The following ACTR8 variants were observed in gnomAD, a reference collection of about 807,000 sequenced individuals.
ACTR8 encodes actin-related protein 8.
Under a neutral mutation model 84.3 loss-of-function variants are expected in ACTR8, and 70 were observed. The observed-to-expected ratio is 0.83, with a 90% CI of 0.68 to 1.01. The LOEUF is 1.01. Among genes scored for constraint, ACTR8 ranks in the 50% least tolerant of loss-of-function variants. The pLI, the probability that ACTR8 is intolerant of heterozygous loss-of-function variation, is 0.00. For synonymous variants in ACTR8, 268 were observed against 275.2 expected (o/e 0.97, Z 0.26); for missense variants, 672 against 775.4 (o/e 0.87, Z 1.58).
At chr3:53,881,894 G>A (rs965662320) in intron 1 of ACTR8, 85 bp downstream of exon 1, 2 of 1,541,068 alleles carry the variant, frequency 1.3e-6, no homozygotes, top group Admixed American at 2.0e-5. Context: ...AGGGGGACTC[G>A]AAGCCTCCCG....
At chr3:53,864,254 A>G (rs1264639811), downstream of ACTR8, among the ~76,000 whole-genome samples, 1 of 152,232 alleles carries the variant, frequency 6.6e-6, no homozygotes, top group Non-Finnish European at 1.5e-5. Context: ...TTAAGGTTTA[A>G]GGCAGGGTGC....
At chr3:53,866,252 T>C (rs1380423825), downstream of ACTR8, among the ~76,000 whole-genome samples, 1 of 152,044 alleles carries the variant, frequency 6.6e-6, no homozygotes, top group Non-Finnish European at 1.5e-5. Flanking sequence ...AGTGTGATGG[T>C]GTAAGCCTGT....
rs1396963910 is a variant in ACTR8 at position 53,882,151 on chromosome 3, C to G, written c.-50G>C. 1 of 1,543,128 alleles carries G rather than the reference C, an allele frequency of 6.5e-7. No homozygotes were observed. The highest frequency in any genetic ancestry group is 1.2e-5 in the South Asian group (1 of 83,508). On this transcript the variant is annotated 5_prime_UTR_variant, in exon 1 of 13. Coordinates refer to ENST00000335754, the MANE Select transcript of ACTR8 (RefSeq NM_022899.5). ...TCTCGCCTCAGCGCTGCAGCCACGA[C>G]TGCCGGGATGGAAGGGCCACCGCGC... is the stretch of plus-strand genomic sequence containing the variant.
At chr3:53,876,320 G>A (rs990594224) in intron 6 of ACTR8, among the ~76,000 whole-genome samples, 5 of 151,954 alleles carry the variant, frequency 3.3e-5, no homozygotes, top group East Asian at 3.9e-4. Flanking sequence ...AGATGGAGAC[G>A]ATCCTGGCTA....
chr3:53,876,589 A>T, intron 6 of ACTR8, 31 bp downstream of exon 6: 1 of 1,225,242 alleles, frequency 8.2e-7, no homozygotes, highest in Non-Finnish European at 1.2e-6. Context: ...AATTCCATTT[A>T]AAATAGGTTT....
chr3:53,870,426 G>T lies in ACTR8; in HGVS notation c.1568-281C>A. 1 of 362,108 alleles carries T rather than the reference G, an allele frequency of 2.8e-6. No homozygotes were observed. The highest frequency in any genetic ancestry group is 4.1e-5 in the South Asian group (1 of 24,200). The allele number at this position is 362,108 out of a possible 1,614,324, so 22.4% of individuals were successfully genotyped here. ...CCAGCACTTTGGGAGGCCAAGGCAG[G>T]CAGATCACGAGGTCAGGAGTTCGAA... On this transcript the variant is annotated intron_variant, in intron 11 of 12. Transcript: ENST00000335754. The surrounding 1 kb of genome is among the most constrained non-coding windows in gnomAD (Gnocchi z 4.1).
At position 53,872,540 on chromosome 3, in the gene ACTR8, A is replaced by C; in HGVS notation, c.1162-16T>G. Reference sequence around the variant, plus strand: ...CCATTGGAGCCTGTACATGAAGAAAAAGAGTGATCAACAAAAGATACTGCA... The same window carrying C: ...CCATTGGAGCCTGTACATGAAGAAACAGAGTGATCAACAAAAGATACTGCA... On this transcript the variant is annotated splice_polypyrimidine_tract_variant and intron_variant, in intron 9 of 12. Transcript: ENST00000335754. 6.4e-7 allele frequency: 1 copy of C among 1,566,142 alleles called. No homozygotes were observed. Among genetic ancestry groups the C allele is most frequent in the Non-Finnish European group, 8.6e-7 (1 of 1,162,642 alleles).
intron 7 of ACTR8, among the ~76,000 whole-genome samples, chr3:53,875,134 C>A (rs1352169458): frequency 2.0e-5 from 3 of 152,162 alleles, no homozygotes; most frequent in Non-Finnish European, 4.4e-5. Context: ...AACCTGGGTC[C>A]AGCATTTTCT....
rs769112498 is a variant in ACTR8 at position 53,876,715 on chromosome 3, TA to T, written c.685-3del. 1.5e-5 allele frequency: 21 copies of T among 1,442,534 alleles called. No homozygotes were observed. Among genetic ancestry groups the T allele is most frequent in the Non-Finnish European group, 1.9e-5 (20 of 1,044,698 alleles). The allele number at this position is 1,442,534 out of a possible 1,614,324, so 89.4% of individuals were successfully genotyped here. On this transcript the variant is annotated splice_region_variant and splice_polypyrimidine_tract_variant and intron_variant, in intron 5 of 12. Coordinates refer to ENST00000335754, the MANE Select transcript of ACTR8 (RefSeq NM_022899.5). ...AATTAACAAGATACATCTATAATAC[TA>T]AAAAGAAGAACAAAGATAAAAGGGT...
chr3:53,878,481 G>T lies in ACTR8; in HGVS notation c.295-14C>A. The T allele has an allele frequency of 6.7e-7, 1 of 1,492,344 alleles. No homozygotes were observed. The highest frequency in any genetic ancestry group is 9.3e-7 in the Non-Finnish European group (1 of 1,071,568). The allele number at this position is 1,492,344 out of a possible 1,614,324, so 92.4% of individuals were successfully genotyped here. A position where few individuals can be genotyped will look rare whatever the true frequency, so the allele number is the denominator to read the frequency against. ...ACTTTCTGGTTTCTGGGGAAAAAAT[G>T]AAAGATGAGCAGTACAAAGGATTTA... On this transcript the variant is annotated splice_polypyrimidine_tract_variant and intron_variant, in intron 2 of 12. Transcript: ENST00000335754.
Position 53,868,738 on chromosome 3 carries a change from C to T in ACTR8, c.1856G>A (p.Arg619Gln), listed in dbSNP as rs781042991. The change falls in exon 13 of 13, where the codon CGG (arginine) becomes CAG (glutamine). Residue 619 changes from arginine (R) to glutamine (Q), a missense_variant. Coordinates refer to ENST00000335754, the MANE Select transcript of ACTR8 (RefSeq NM_022899.5). ...CCCCATTCACCACACAAACGCAGCC[C>T]GCTCTCGTAACATGCGGACACCAAA... ...QRFGVRMLRE[R>Q]AAFVW is the part of the protein sequence containing the mutation. 5.6e-6 allele frequency: 9 copies of T among 1,614,122 alleles called. No individual in the cohort carries two copies. Among genetic ancestry groups the T allele is most frequent in the South Asian group, 3.3e-5 (3 of 91,072 alleles).
downstream of ACTR8, chr3:53,865,287 C>G: frequency 6.2e-7 from 1 of 1,606,714 alleles, no homozygotes; most frequent in African/African-American, 1.3e-5. Flanking sequence ...AAGCCTGCCA[C>G]GATGGCTGCT....
Position 53,871,362 on chromosome 3 carries a change from A to G in ACTR8, c.1437T>C (p.Asp479=), listed in dbSNP as rs1239445160. 3.1e-6 allele frequency: 5 copies of G among 1,614,114 alleles called. No homozygotes were observed. The African/African-American group carries it at 4.0e-5, about 13-fold the overall frequency. ...QEVDLGSAQG[D]GLMAGNDSEE... ...CGGAATCGTTGCCGGCCATCAGGCC[A>G]TCTCCCTGTGCAGACCCCAAATCTA... The change falls in exon 11 of 13, where the codon GAT becomes GAC. Residue 479 remains aspartate (D), a synonymous_variant. Coordinates refer to ENST00000335754, the MANE Select transcript of ACTR8 (RefSeq NM_022899.5).
At chr3:53,868,995 ACAG>A (rs1699841683) in intron 12 of ACTR8, 133 bp from the exon 13 acceptor site, 1 of 1,273,118 alleles carries the variant, frequency 7.9e-7, no homozygotes, top group Non-Finnish European at 1.1e-6. Context: ...TGTATTAAAG[ACAG>A]CAGGATTAAA....
At chr3:53,864,944 T>G, downstream of ACTR8, 1 of 1,614,104 alleles carries the variant, frequency 6.2e-7, no homozygotes, top group East Asian at 2.2e-5. Flanking sequence ...GTGCAGTGGC[T>G]TGCCACTCAA....
Position 53,880,099 on chromosome 3 carries a change from C to T in ACTR8, c.134G>A (p.Ser45Asn), listed in dbSNP as rs1700036665. ...VPESLQEQIQ[S>N]NFIIVIHPGS... ...TGGATGTATGACAATGATGAAGTTGCTCTGGATTTGCTGCAGATATAAAAC... is the reference window on the plus strand; with the variant it reads ...TGGATGTATGACAATGATGAAGTTGTTCTGGATTTGCTGCAGATATAAAAC... Residue 45 changes from serine to asparagine, a missense_variant, in exon 2 of 13, where the codon AGC (serine) becomes AAC (asparagine). Physicochemically the swap from Ser to Asn is conservative, Grantham distance 46. Coordinates refer to ENST00000335754, the MANE Select transcript of ACTR8 (RefSeq NM_022899.5). 1 of 1,613,330 alleles carries T rather than the reference C, an allele frequency of 6.2e-7. No individual in the cohort carries two copies. Among genetic ancestry groups the T allele is most frequent in the Non-Finnish European group, 8.5e-7 (1 of 1,179,524 alleles).
In ACTR8 at chr3:53,867,196, C is replaced by T. The variant is rs989787550; in HGVS notation, c.*1523G>A. ...ACCAACTTCCTTTGAAACAGCTCTACCAGTTATAAGAGCAATATGCTGTTA... is the reference window on the plus strand; with the variant it reads ...ACCAACTTCCTTTGAAACAGCTCTATCAGTTATAAGAGCAATATGCTGTTA... On this transcript the variant is annotated 3_prime_UTR_variant, in exon 13 of 13. Transcript: ENST00000335754. 2 of 152,122 alleles carry T rather than the reference C, an allele frequency of 1.3e-5. No homozygotes were observed. The highest frequency in any genetic ancestry group is 4.8e-5 in the African/African-American group (2 of 41,426). 9.4% of individuals were successfully genotyped at this position (152,122 alleles called of 1,614,324 possible).
chr3:53,869,504 T>C (rs990990258), intron 12 of ACTR8, among the ~76,000 whole-genome samples: 8 of 152,130 alleles, frequency 5.3e-5, no homozygotes, highest in Non-Finnish European at 8.8e-5. Flanking sequence ...TAAAAAGAAA[T>C]AGGAACATTT....
chr3:53,877,536 G>T, intron 4 of ACTR8, 111 bp downstream of exon 4: 1 of 1,321,134 alleles, frequency 7.6e-7, no homozygotes, highest in Non-Finnish European at 1.0e-6. Flanking sequence ...GGTACTCAAA[G>T]CAGGGTTATA....
Sources: gnomAD v4.1 joint callset for allele counts (sites outside exome capture counted in the v4.1 genomes callset) on GRCh38, gnomAD v4.1.1 for gene constraint, Gnocchi (gnomAD v3.1) non-coding constraint, MANE v1.5 for transcripts, NCBI Gene and HGNC (gene_info 2026-07-23, HGNC 2026-07-21) for gene names.